The following ROBO2 variants were observed in gnomAD, a reference collection of about 807,000 sequenced individuals.
ROBO2 encodes the protein roundabout homolog 2.
A neutral mutation model predicts 160.8 loss-of-function variants in ROBO2; 53 were observed. The ratio of observed to expected loss-of-function variants is 0.33; its 90% CI spans 0.26 to 0.41. The LOEUF (loss-of-function observed/expected upper bound fraction) is 0.41. ROBO2 is among the 10% of genes least tolerant of loss of function. ROBO2 has a pLI of 1.00. For synonymous variants in ROBO2, 664 were observed against 611.7 expected (o/e 1.09, Z -1.26); for missense variants, 1,577 against 1,722.4 (o/e 0.92, Z 1.49).
chr3:76,606,298 A>G (rs912627438), intron 2 of ROBO2, among the ~76,000 whole-genome samples: 1 of 152,218 alleles, frequency 6.6e-6, no homozygotes, highest in Non-Finnish European at 1.5e-5. Context: ...CAAACAGTGA[A>G]CACACTGTAA....
chr3:76,409,967 A>G (rs189709644), intron 2 of ROBO2, among the ~76,000 whole-genome samples: 3 of 152,226 alleles, frequency 2.0e-5, no homozygotes, highest in South Asian at 2.1e-4. Context: ...TGCTCATTTT[A>G]TATCAATTTC....
In ROBO2 at chr3:77,565,135, T is replaced by A. The variant is rs770007839; in HGVS notation, c.1849+15T>A. ...GCGCACACAAGGTACTTTCAACAGCTGTCAACAAGACTGGTTCTAGGCAGA... is the reference window on the plus strand; with the variant it reads ...GCGCACACAAGGTACTTTCAACAGCAGTCAACAAGACTGGTTCTAGGCAGA... On this transcript the variant is annotated intron_variant, in intron 12 of 25. Coordinates refer to ENST00000461745, the Ensembl canonical transcript of ROBO2. 1 of 1,613,322 alleles carries A rather than the reference T, an allele frequency of 6.2e-7. No individual in the cohort carries two copies. The highest frequency in any genetic ancestry group is 8.5e-7 in the Non-Finnish European group (1 of 1,179,482).
intron 2 of ROBO2, among the ~76,000 whole-genome samples, chr3:76,314,782 C>T (rs1812430): frequency 0.92 from 139,757 of 152,170 alleles, 65,136 homozygotes; most frequent in Non-Finnish European, 1. Flanking sequence ...GTTTATGTTA[C>T]TGGTAATGCT....
At chr3:76,826,378 TG>T (rs2066589262) in intron 2 of ROBO2, among the ~76,000 whole-genome samples, 1 of 152,086 alleles carries the variant, frequency 6.6e-6, no homozygotes, top group African/African-American at 2.4e-5. Context: ...TGCAGAGATA[TG>T]GTTGTAGTAG....
intron 2 of ROBO2, among the ~76,000 whole-genome samples, chr3:76,417,769 T>C (rs1224324250): frequency 6.6e-6 from 1 of 151,874 alleles, no homozygotes; most frequent in Non-Finnish European, 1.5e-5. Flanking sequence ...GATAATTAGG[T>C]GAAAAAAAAA....
chr3:76,138,829 G>A (rs2071525079), intron 2 of ROBO2, among the ~76,000 whole-genome samples: 1 of 152,006 alleles, frequency 6.6e-6, no homozygotes, highest in Non-Finnish European at 1.5e-5. Context: ...ATCTTTAATA[G>A]CATCTTTCAG....
At chr3:76,167,835 T>A (rs1425180076) in intron 2 of ROBO2, among the ~76,000 whole-genome samples, 2 of 152,206 alleles carry the variant, frequency 1.3e-5, no homozygotes, top group African/African-American at 2.4e-5. Context: ...TTGGAATGCA[T>A]AATTTGTTAG....
At chr3:77,364,265 C>T (rs1219639262) in intron 2 of ROBO2, among the ~76,000 whole-genome samples, 2 of 151,954 alleles carry the variant, frequency 1.3e-5, no homozygotes, top group Non-Finnish European at 2.9e-5. Flanking sequence ...CTATATTCTC[C>T]ATGATTTTTA....
At chr3:76,497,609 T>C (rs2080224672) in intron 2 of ROBO2, among the ~76,000 whole-genome samples, 1 of 152,232 alleles carries the variant, frequency 6.6e-6, no homozygotes, top group Non-Finnish European at 1.5e-5. Context: ...TGCTCAGTTA[T>C]TTGGGCAAAT....
Position 76,415,711 on chromosome 3 carries a change from C to A in ROBO2, c.109+478109C>A, listed in dbSNP as rs57775886. Among the ~76,000 whole-genome samples the A allele has an allele frequency of 1.3e-3, 199 of 152,108 alleles. 2 individuals are homozygous for A. In the East Asian group the frequency reaches 0.036, roughly 27 times the overall value. ...CTTATAGCTGCTCCTTATAAATATGCGTAGGTATATGAATTTGTAGACTAA... is the reference window on the plus strand; with the variant it reads ...CTTATAGCTGCTCCTTATAAATATGAGTAGGTATATGAATTTGTAGACTAA... On this transcript the variant is annotated intron_variant, in intron 2 of 26. Transcript: ENST00000487694.
chr3:75,998,780 A>G (rs2065800286), intron 2 of ROBO2, among the ~76,000 whole-genome samples: 1 of 152,192 alleles, frequency 6.6e-6, no homozygotes, highest in Non-Finnish European at 1.5e-5. Flanking sequence ...AAGAAAACAC[A>G]AACTAAAATA....
At chr3:76,731,333 AC>A (rs1407826629) in intron 2 of ROBO2, among the ~76,000 whole-genome samples, 1 of 152,194 alleles carries the variant, frequency 6.6e-6, no homozygotes, top group African/African-American at 2.4e-5. Context: ...AAGGGAAGAC[AC>A]TGGGTACCAC....
At chr3:76,356,388 A>C (rs868557463) in intron 2 of ROBO2, among the ~76,000 whole-genome samples, 5 of 151,750 alleles carry the variant, frequency 3.3e-5, no homozygotes, top group South Asian at 2.1e-4. Flanking sequence ...GCCAGGTTGA[A>C]TAAAAAGCAA....
chr3:76,087,605 A>G (rs2069064637), intron 2 of ROBO2, among the ~76,000 whole-genome samples: 1 of 152,058 alleles, frequency 6.6e-6, no homozygotes, highest in African/African-American at 2.4e-5. Context: ...GAAAAGGAAT[A>G]AGTGAAGATA....
chr3:76,846,525 A>G (rs1031793534), intron 2 of ROBO2, among the ~76,000 whole-genome samples: 5 of 152,142 alleles, frequency 3.3e-5, no homozygotes, highest in Non-Finnish European at 5.9e-5. Context: ...CTGAATGACT[A>G]TTTGAAGAAT....
chr3:76,681,961 T>C (rs6766219), intron 2 of ROBO2, among the ~76,000 whole-genome samples: 86,815 of 151,956 alleles, frequency 0.57, 26,263 homozygotes, highest in East Asian at 0.78. Flanking sequence ...AACTGACTTG[T>C]CTGGAATTTG....
chr3:77,053,116 A>G (rs545322381), intron 1 of ROBO2, among the ~76,000 whole-genome samples: 19 of 152,324 alleles, frequency 1.2e-4, no homozygotes, highest in African/African-American at 4.3e-4. Context: ...AAAATTGCTC[A>G]AGGTTTATTA....
chr3:76,743,297 A>G (rs376075707), intron 2 of ROBO2, among the ~76,000 whole-genome samples: 19 of 152,138 alleles, frequency 1.2e-4, no homozygotes, highest in East Asian at 7.7e-4. Context: ...CCCTAAGGTA[A>G]TGGAGTCCTA....
intron 5 of ROBO2, among the ~76,000 whole-genome samples, chr3:77,508,974 G>A (rs967317186): frequency 8.6e-5 from 13 of 151,966 alleles, no homozygotes; most frequent in African/African-American, 2.9e-4. Flanking sequence ...ACAAAACACA[G>A]ATTAACAAGA....
Sources: allele counts gnomAD v4.1 joint callset (sites outside exome capture counted in the v4.1 genomes callset), GRCh38; gene constraint gnomAD v4.1.1; transcripts MANE v1.5; gene names NCBI Gene and HGNC (gene_info 2026-07-23, HGNC 2026-07-21).